Variants in EXOC6B observed in about 807,000 individuals in gnomAD.
The protein encoded by EXOC6B is SEC15 homolog B.
EXOC6B carries 54 observed loss-of-function variants against 113.5 expected under a neutral mutation model. The observed-to-expected ratio is 0.48, with a 90% CI of 0.38 to 0.60. The LOEUF is 0.60. EXOC6B is among the 20% of genes least tolerant of loss of function. The probability of loss-of-function intolerance (pLI) is 0.00; values close to 1 mark genes in which losing one functional copy is unlikely to be tolerated. For missense variants in EXOC6B, 797 were observed against 977.5 expected, an observed-to-expected ratio of 0.82 and a Z score of 2.46; for synonymous variants, 357 against 339.0, an observed-to-expected ratio of 1.05 and a Z score of -0.58.
chr2:72,559,016 T>G (rs1025929106), intron 8 of EXOC6B, among the ~76,000 whole-genome samples: 1 of 152,170 alleles, frequency 6.6e-6, no homozygotes, highest in African/African-American at 2.4e-5. Flanking sequence ...AGGGATCATT[T>G]CTTAGAATAT....
intron 6 of EXOC6B, among the ~76,000 whole-genome samples, chr2:72,583,193 A>G (rs1211409170): frequency 6.6e-6 from 1 of 152,208 alleles, no homozygotes; most frequent in East Asian, 1.9e-4. Context: ...GTCTTCAAGA[A>G]CTATGAGATT....
intron 7 of EXOC6B, among the ~76,000 whole-genome samples, chr2:72,570,294 C>T (rs898822119): frequency 6.6e-6 from 1 of 152,170 alleles, no homozygotes; most frequent in African/African-American, 2.4e-5. Context: ...TCTTGGACAG[C>T]CAGCCTCCAG....
At chr2:72,795,048 G>A (rs951193268) in intron 1 of EXOC6B, among the ~76,000 whole-genome samples, 1 of 152,194 alleles carries the variant, frequency 6.6e-6, no homozygotes, top group African/African-American at 2.4e-5. Context: ...TGGAAAAGGA[G>A]GGGTCTGGGC....
At chr2:72,327,894 G>T (rs1688216698) in intron 20 of EXOC6B, among the ~76,000 whole-genome samples, 1 of 152,090 alleles carries the variant, frequency 6.6e-6, no homozygotes, top group Non-Finnish European at 1.5e-5. Context: ...TCAAGCAAGG[G>T]AAGGAGATAG....
intron 18 of EXOC6B, among the ~76,000 whole-genome samples, chr2:72,430,969 C>T (rs1695485614): frequency 1.3e-5 from 2 of 152,134 alleles, no homozygotes; most frequent in African/African-American, 4.8e-5. Context: ...TATGGAAACA[C>T]AGACTGAGTG....
At chr2:72,624,086 A>C (rs780539710) in intron 6 of EXOC6B, among the ~76,000 whole-genome samples, 40 of 152,322 alleles carry the variant, frequency 2.6e-4, no homozygotes, top group Non-Finnish European at 4.1e-4. Context: ...TAAAGGATGA[A>C]GATATGAAGA....
chr2:72,562,853 T>C (rs1703963792), intron 7 of EXOC6B, among the ~76,000 whole-genome samples: 1 of 152,160 alleles, frequency 6.6e-6, no homozygotes, highest in Non-Finnish European at 1.5e-5. Flanking sequence ...TTCAAATACA[T>C]CTATGAAGAT....
At chr2:72,403,576 T>C (rs1187127302) in intron 18 of EXOC6B, among the ~76,000 whole-genome samples, 3 of 152,064 alleles carry the variant, frequency 2.0e-5, no homozygotes, top group Admixed American at 6.6e-5. Context: ...TGCATGCCTG[T>C]AGTCCTAGAT....
intron 18 of EXOC6B, among the ~76,000 whole-genome samples, chr2:72,420,115 A>G (rs1381516263): frequency 6.6e-6 from 1 of 152,158 alleles, no homozygotes. Context: ...TTTATGTATT[A>G]TACTTTTCAG....
intron 18 of EXOC6B, among the ~76,000 whole-genome samples, chr2:72,433,791 T>G (rs533385374): frequency 2.0e-5 from 3 of 152,060 alleles, no homozygotes; most frequent in Middle Eastern, 3.4e-3. Context: ...GCTTAACAGC[T>G]TGAGTTTTTG....
At chr2:72,352,738 T>TG (rs1244130606) in intron 19 of EXOC6B, among the ~76,000 whole-genome samples, 1 of 151,870 alleles carries the variant, frequency 6.6e-6, no homozygotes, top group Non-Finnish European at 1.5e-5. Flanking sequence ...ATCATTTTTT[T>TG]TTTTTTGAGA....
chr2:72,716,235 A>G (rs1389119018), intron 6 of EXOC6B, among the ~76,000 whole-genome samples: 2 of 152,222 alleles, frequency 1.3e-5, no homozygotes, highest in Non-Finnish European at 2.9e-5. Flanking sequence ...TGGAAGAGCC[A>G]TACAATGGAA....
intron 1 of EXOC6B, among the ~76,000 whole-genome samples, chr2:72,802,562 T>C (rs977298978): frequency 2.6e-5 from 4 of 152,198 alleles, no homozygotes; most frequent in African/African-American, 7.2e-5. Flanking sequence ...ATTTACCATA[T>C]TGATAATGTG....
At chr2:72,399,242 A>T (rs1160837765) in intron 18 of EXOC6B, among the ~76,000 whole-genome samples, 1 of 152,192 alleles carries the variant, frequency 6.6e-6, no homozygotes. Context: ...AACTAGGCAG[A>T]GAAGAAACAT....
chr2:72,645,049 G>A (rs959708505), intron 6 of EXOC6B, among the ~76,000 whole-genome samples: 13 of 152,132 alleles, frequency 8.5e-5, no homozygotes, highest in Admixed American at 2.0e-4. Flanking sequence ...CCCATTTCAC[G>A]TGCAGAGACA....
chr2:72,412,875 A>C (rs1573064378), intron 18 of EXOC6B, among the ~76,000 whole-genome samples: 2 of 152,146 alleles, frequency 1.3e-5, no homozygotes, highest in South Asian at 2.1e-4. Context: ...AAAGTAGAAG[A>C]AGCTTTTGTT....
At position 72,556,746 on chromosome 2, in the gene EXOC6B, A is replaced by AT. The variant is rs749902188; in HGVS notation, c.915+2706dup. 9.5e-4 allele frequency among the ~76,000 whole-genome samples: 83 copies of AT among 87,368 alleles called. No individual in the cohort carries two copies. In the East Asian group the frequency reaches 0.019, roughly 20 times the overall value. 57.3% of individuals were successfully genotyped at this position (87,368 alleles called of 152,430 possible). On this transcript the variant is annotated intron_variant, in intron 8 of 21. Coordinates refer to ENST00000272427, the MANE Select transcript of EXOC6B (RefSeq NM_015189.3). ...CTCTGTGACAGCAGGATAAAGAGGT[A>AT]TTTTAAAAAAAAACTCAAAAGTTTA...
At chr2:72,556,741 G>C (rs910944650) in intron 8 of EXOC6B, among the ~76,000 whole-genome samples, 12 of 106,910 alleles carry the variant, frequency 1.1e-4, no homozygotes, top group South Asian at 1.2e-3. Context: ...GCAGGATAAA[G>C]AGGTATTTTA....
chr2:72,371,362 A>T (rs1188273850), intron 19 of EXOC6B, among the ~76,000 whole-genome samples: 1 of 152,218 alleles, frequency 6.6e-6, no homozygotes, highest in Non-Finnish European at 1.5e-5. Context: ...TTACCCTGAT[A>T]CTAAAATCAA....
Sources: gnomAD v4.1 joint callset for allele counts (sites outside exome capture counted in the v4.1 genomes callset) on GRCh38, gnomAD v4.1.1 for gene constraint, MANE v1.5 for transcripts, NCBI Gene and HGNC (gene_info 2026-07-23, HGNC 2026-07-21) for gene names.